Variants in PARD6G observed in about 807,000 individuals in gnomAD.
PARD6G encodes the protein par-6 family cell polarity regulator gamma.
PARD6G carries 7 observed loss-of-function variants against 10.7 expected under a neutral mutation model. That is an observed-to-expected ratio of 0.66 (90% CI 0.37 to 1.23). The LOEUF is 1.23. Among genes scored for constraint, PARD6G ranks in the 50% most tolerant of loss-of-function variants. The probability of loss-of-function intolerance (pLI) is 0.02; values close to 1 mark genes in which losing one functional copy is unlikely to be tolerated. For missense variants in PARD6G, 548 were observed against 571.8 expected (o/e 0.96, Z 0.42); for synonymous variants, 287 against 269.4 (o/e 1.07, Z -0.64).
chr18:80,176,542 C>G (rs2052808677), intron 2 of PARD6G, among the ~76,000 whole-genome samples: 1 of 152,288 alleles, frequency 6.6e-6, no homozygotes, highest in Admixed American at 6.5e-5. Context: ...AGGTCTCAGC[C>G]TCAAGAGAAA....
At position 80,158,140 on chromosome 18, in the gene PARD6G, A is replaced by T. The variant is rs913546061; in HGVS notation, c.*1631T>A. On this transcript the variant is annotated 3_prime_UTR_variant, in exon 3 of 3. Transcript: ENST00000353265. ...TACTAAATATATAAACGTTGCTGGA[A>T]GATCAACATAAAGTGAGGATGAATT... 6.6e-5 allele frequency: 10 copies of T among 152,244 alleles called. No individual in the cohort carries two copies. Among genetic ancestry groups the T allele is most frequent in the Admixed American group, 5.9e-4 (9 of 15,292 alleles). 9.4% of individuals were successfully genotyped at this position (152,244 alleles called of 1,614,324 possible).
rs984443194 is a variant in PARD6G, at chr18:80,158,301, G to A, written c.*1470C>T. 1.3e-5 allele frequency: 2 copies of A among 152,208 alleles called. No individual in the cohort carries two copies. Among genetic ancestry groups the A allele is most frequent in the Non-Finnish European group, 2.9e-5 (2 of 68,030 alleles). 9.4% of individuals were successfully genotyped at this position (152,208 alleles called of 1,614,324 possible). On this transcript the variant is annotated 3_prime_UTR_variant, in exon 3 of 3. Coordinates refer to ENST00000353265, the MANE Select transcript of PARD6G (RefSeq NM_032510.4). ...AGAAACGTCTGTTTCAGAAAACAAA[G>A]ATGAGAACTCACGTGCAAATGACTG...
intron 2 of PARD6G, among the ~76,000 whole-genome samples, chr18:80,177,020 C>T (rs976272270): frequency 1.3e-4 from 13 of 97,618 alleles, no homozygotes; most frequent in South Asian, 3.6e-4. Context: ...CGTGCGCGCG[C>T]GCGTGCACAC....
intron 1 of PARD6G, among the ~76,000 whole-genome samples, chr18:80,226,783 A>G (rs1317448834): frequency 1.3e-5 from 2 of 152,074 alleles, no homozygotes; most frequent in Non-Finnish European, 1.5e-5. Context: ...GCATTAATTT[A>G]TCAGTCAAAA....
intron 2 of PARD6G, among the ~76,000 whole-genome samples, chr18:80,195,741 G>A (rs188723101): frequency 2.3e-4 from 35 of 151,052 alleles, no homozygotes; most frequent in Middle Eastern, 3.4e-3. Flanking sequence ...CAGGCGTGGT[G>A]GCGCGTGCCT....
intron 2 of PARD6G, among the ~76,000 whole-genome samples, chr18:80,173,760 C>T (rs1015273908): frequency 1.3e-5 from 2 of 152,290 alleles, no homozygotes; most frequent in South Asian, 2.1e-4. Flanking sequence ...AAAAATAAAG[C>T]GAACCCAGAC....
chr18:80,235,870 A>T (rs1160450248), intron 1 of PARD6G, among the ~76,000 whole-genome samples: 1 of 152,176 alleles, frequency 6.6e-6, no homozygotes, highest in Non-Finnish European at 1.5e-5. Context: ...TAGCTTAGCA[A>T]CCAAAAAAAG....
At chr18:80,177,414 C>A (rs1279862962) in intron 2 of PARD6G, among the ~76,000 whole-genome samples, 1 of 147,738 alleles carries the variant, frequency 6.8e-6, no homozygotes, top group Non-Finnish European at 1.5e-5. Flanking sequence ...CATACACACA[C>A]ATACACGCAA....
intron 1 of PARD6G, among the ~76,000 whole-genome samples, chr18:80,244,055 T>C (rs973942943): frequency 4.6e-5 from 7 of 152,144 alleles, no homozygotes; most frequent in African/African-American, 1.7e-4. Context: ...TTGCTTGCTG[T>C]CTTCTCCTCA....
At chr18:80,236,802 GA>G in intron 1 of PARD6G, among the ~76,000 whole-genome samples, 1 of 152,098 alleles carries the variant, frequency 6.6e-6, no homozygotes, top group Non-Finnish European at 1.5e-5. Context: ...GGATGTGAAG[GA>G]ACTTTTTCAA....
At chr18:80,177,765 C>T (rs545203075) in intron 2 of PARD6G, among the ~76,000 whole-genome samples, 85 of 148,416 alleles carry the variant, frequency 5.7e-4, no homozygotes, top group Non-Finnish European at 1.2e-3. Context: ...GCACACGCAC[C>T]CACGAGATAA....
chr18:80,195,548 C>CATATATATATATATATATATATATATAT (rs201373415), intron 2 of PARD6G, among the ~76,000 whole-genome samples: 97 of 82,132 alleles, frequency 1.2e-3, no homozygotes, highest in Middle Eastern at 6.6e-3. Context: ...TTCAAAGATA[C>CATATATATATATATATATATATATATAT]ATATATATAT....
rs1057411254 is a variant in PARD6G, at chr18:80,222,951, C to T, written c.73-20019G>A. Among the ~76,000 whole-genome samples the T allele has an allele frequency of 1.2e-4, 19 of 152,204 alleles. 1 individual carries two copies. The highest frequency in any genetic ancestry group is 4.1e-4 in the African/African-American group (17 of 41,448). Reference sequence around the variant, plus strand: ...TCAGCCTCCCAAAGTGCTGGGATTACAGGCATGGGCTACTGCAGCTGGTAA... The same window carrying T: ...TCAGCCTCCCAAAGTGCTGGGATTATAGGCATGGGCTACTGCAGCTGGTAA... On this transcript the variant is annotated intron_variant, in intron 1 of 2. Transcript: ENST00000353265.
chr18:80,205,038 C>T (rs1967042875), intron 1 of PARD6G, among the ~76,000 whole-genome samples: 1 of 152,160 alleles, frequency 6.6e-6, no homozygotes, highest in Admixed American at 6.5e-5. Context: ...TCTACATACT[C>T]AGTAAGGGAA....
chr18:80,177,025 G>GCACACACACACA (rs111315126), intron 2 of PARD6G, among the ~76,000 whole-genome samples: 2 of 137,124 alleles, frequency 1.5e-5, no homozygotes, highest in Non-Finnish European at 3.1e-5. Flanking sequence ...GCGCGCGCGT[G>GCACACACACACA]CACACACACA....
chr18:80,195,745 C>T lies in PARD6G; in HGVS notation c.295+6965G>A, dbSNP rs1415955748. Among the ~76,000 whole-genome samples, 8 of 150,780 alleles carry T rather than the reference C, an allele frequency of 5.3e-5. No homozygotes were observed. In the East Asian group the frequency reaches 5.9e-4, roughly 11 times the overall value. ...AAAAAATCAGCCAGGCGTGGTGGCG[C>T]GTGCCTGTAGTCCCAGCTACTCAGG... On this transcript the variant is annotated intron_variant, in intron 2 of 2. Coordinates refer to ENST00000353265, the MANE Select transcript of PARD6G (RefSeq NM_032510.4).
chr18:80,246,959 T>A lies in PARD6G; in HGVS notation c.72+318A>T, dbSNP rs2145312398. 6.6e-6 allele frequency among the ~76,000 whole-genome samples: 1 copy of A among 151,904 alleles called. No homozygotes were observed. Among genetic ancestry groups the A allele is most frequent in the African/African-American group, 2.4e-5 (1 of 41,452 alleles). On this transcript the variant is annotated intron_variant, in intron 1 of 2. Coordinates refer to ENST00000353265, the MANE Select transcript of PARD6G (RefSeq NM_032510.4). This position sits in a 1 kb window ranked among gnomAD's most constrained non-coding sequence, Gnocchi z 6.7. ...GGAAAGGCCGCCCTCCCCTCCAATG[T>A]GTGGCGCGCCCCGATCGCCTCTCAC...
intron 1 of PARD6G, among the ~76,000 whole-genome samples, chr18:80,239,787 G>A (rs1409238240): frequency 2.6e-5 from 4 of 152,212 alleles, no homozygotes; most frequent in East Asian, 1.9e-4. Flanking sequence ...GGCCACTGAC[G>A]CCTCTCAGGG....
Position 80,200,977 on chromosome 18 carries a change from G to A in PARD6G, c.295+1733C>T, listed in dbSNP as rs1359155467. ...TCCTGCACGATGGGCAACAAAGCCT[G>A]TGCGCACATCTGCAGTTTACACACC... On this transcript the variant is annotated intron_variant, in intron 2 of 2. Transcript: ENST00000353265. This position sits in a 1 kb window ranked among gnomAD's most constrained non-coding sequence, Gnocchi z 4.4. 6.6e-6 allele frequency among the ~76,000 whole-genome samples: 1 copy of A among 152,206 alleles called. No individual in the cohort carries two copies. The highest frequency in any genetic ancestry group is 1.5e-5 in the Non-Finnish European group (1 of 68,044).
Sources: allele counts gnomAD v4.1 joint callset (sites outside exome capture counted in the v4.1 genomes callset), GRCh38; gene constraint gnomAD v4.1.1; non-coding constraint Gnocchi (gnomAD v3.1); transcripts MANE v1.5; gene names NCBI Gene and HGNC (gene_info 2026-07-23, HGNC 2026-07-21).